NAV3: variants seen among roughly 807,000 people sequenced by gnomAD.
NAV3 encodes neuron navigator 3, also known as pore membrane and/or filament interacting like protein 1.
NAV3 carries 87 observed loss-of-function variants against 244.7 expected under a neutral mutation model. The ratio of observed to expected loss-of-function variants is 0.36; its 90% CI spans 0.30 to 0.42. The LOEUF is 0.42. NAV3 is among the 20% of genes least tolerant of loss of function. The pLI is 1.00. For missense variants in NAV3, 2,663 were observed against 2,893.3 expected (o/e 0.92, Z 1.83); for synonymous variants, 1,126 against 1,042.2 (o/e 1.08, Z -1.55).
chr12:77,922,068 G>A (rs1004200312), intron 1 of NAV3, among the ~76,000 whole-genome samples: 3 of 152,150 alleles, frequency 2.0e-5, no homozygotes, highest in Non-Finnish European at 4.4e-5. Context: ...GAATCTTTGT[G>A]TCAATGAACT....
intron 2 of NAV3, among the ~76,000 whole-genome samples, chr12:77,653,761 C>T (rs1872935970): frequency 6.6e-6 from 1 of 152,034 alleles, no homozygotes; most frequent in Admixed American, 6.6e-5. Flanking sequence ...TATATTTATA[C>T]ATCAATGGAA....
At chr12:77,689,756 T>C (rs1874920332) in intron 2 of NAV3, among the ~76,000 whole-genome samples, 1 of 151,880 alleles carries the variant, frequency 6.6e-6, no homozygotes. Context: ...TTAGGTATTT[T>C]TATTTAAGGC....
Position 77,868,220 on chromosome 12 carries a change from A to AAACAACAAC in NAV3, c.243+36531_243+36539dup, listed in dbSNP as rs3078775. On this transcript the variant is annotated intron_variant, in intron 1 of 39. Coordinates refer to ENST00000397909, the MANE Select transcript of NAV3 (RefSeq NM_001024383.2). The stretch of plus-strand genomic sequence containing the variant: ...CTGTATATAAAAATGGGCCCTCCTA[A>AAACAACAAC]AACAACAACAACAACAACAACAAAA... Among the ~76,000 whole-genome samples the AAACAACAAC allele has an allele frequency of 7.3e-5, 11 of 151,398 alleles. No homozygotes were observed. The South Asian group carries it at 1.5e-3, about 20-fold the overall frequency.
chr12:77,706,870 CAAAAAAA>C (rs34067727), intron 2 of NAV3, among the ~76,000 whole-genome samples: 3 of 68,036 alleles, frequency 4.4e-5, no homozygotes, highest in Non-Finnish European at 7.3e-5. Flanking sequence ...GACTCTGTTT[CAAAAAAA>C]AAAAAAAAAA....
intron 12 of NAV3, among the ~76,000 whole-genome samples, chr12:78,083,350 G>T (rs376280819): frequency 6.6e-6 from 1 of 152,092 alleles, no homozygotes; most frequent in Admixed American, 6.5e-5. Context: ...CTGCATTGGG[G>T]GTTAAATTTT....
intron 9 of NAV3, among the ~76,000 whole-genome samples, chr12:78,043,541 C>G (rs1026430259): frequency 3.3e-5 from 5 of 152,120 alleles, no homozygotes; most frequent in Admixed American, 2.6e-4. Context: ...AATATATACT[C>G]CCACCGACAG....
intron 2 of NAV3, among the ~76,000 whole-genome samples, chr12:77,786,681 G>A (rs755145407): frequency 1.3e-5 from 2 of 152,108 alleles, no homozygotes; most frequent in African/African-American, 2.4e-5. Context: ...TGAGAGTGAC[G>A]GAAGGATTAT....
At chr12:77,591,168 ATT>A (rs1869886913) in intron 2 of NAV3, among the ~76,000 whole-genome samples, 1 of 152,224 alleles carries the variant, frequency 6.6e-6, no homozygotes, top group Non-Finnish European at 1.5e-5. Flanking sequence ...GCTCATTAAA[ATT>A]TGTCTTCTTA....
intron 20 of NAV3, among the ~76,000 whole-genome samples, chr12:78,142,490 A>G (rs1223046029): frequency 6.6e-6 from 1 of 151,866 alleles, no homozygotes; most frequent in Non-Finnish European, 1.5e-5. Flanking sequence ...AAATAGCCAC[A>G]TGTGCCTAGC....
intron 2 of NAV3, among the ~76,000 whole-genome samples, chr12:77,642,979 C>T (rs1872479197): frequency 1.3e-5 from 2 of 151,878 alleles, no homozygotes; most frequent in South Asian, 4.2e-4. Context: ...TGTAATTTTT[C>T]CTATTATCTT....
At chr12:78,011,329 T>A (rs1006720740) in intron 8 of NAV3, among the ~76,000 whole-genome samples, 1 of 152,164 alleles carries the variant, frequency 6.6e-6, no homozygotes, top group South Asian at 2.1e-4. Flanking sequence ...ATACAAAGAT[T>A]TTTTAAAAAA....
At chr12:77,826,654 A>T (rs1441163120), upstream of NAV3, among the ~76,000 whole-genome samples, 1 of 152,202 alleles carries the variant, frequency 6.6e-6, no homozygotes, top group African/African-American at 2.4e-5. Flanking sequence ...GATAAATCTC[A>T]AAAGCATTAT....
chr12:77,623,164 G>A (rs563743007), intron 2 of NAV3, among the ~76,000 whole-genome samples: 4 of 152,116 alleles, frequency 2.6e-5, no homozygotes, highest in African/African-American at 9.6e-5. Flanking sequence ...GCATGAATAT[G>A]TCCTTTGCAA....
At chr12:78,009,445 CAAAAAAAAA>C (rs35722033) in intron 8 of NAV3, among the ~76,000 whole-genome samples, 38 of 69,910 alleles carry the variant, frequency 5.4e-4, no homozygotes, top group Admixed American at 1.8e-3. Flanking sequence ...GAGGGAAACT[CAAAAAAAAA>C]AAAAAAAAAA....
In NAV3 at chr12:77,895,387, A is replaced by G. The variant is rs79419323; in HGVS notation, c.244-44932A>G. On this transcript the variant is annotated intron_variant, in intron 1 of 39. Transcript: ENST00000397909. Reference sequence around the variant, plus strand: ...TGGAGAATAGCAGATTGTGGGTGATATAATTTGTAAAACTTGCTGGCCAGC... The same window carrying G: ...TGGAGAATAGCAGATTGTGGGTGATGTAATTTGTAAAACTTGCTGGCCAGC... Among the ~76,000 whole-genome samples, 1,248 of 151,736 alleles carry G rather than the reference A, an allele frequency of 8.2e-3. 16 individuals carry two copies. The highest frequency in any genetic ancestry group is 0.031 in the Middle Eastern group (9 of 294).
chr12:77,968,427 A>C, intron 4 of NAV3, 92 bp from the exon 5 acceptor site: 1 of 1,009,652 alleles, frequency 9.9e-7, no homozygotes, highest in Non-Finnish European at 1.5e-6. Flanking sequence ...CTCTGTCTTC[A>C]TAGATTTATT....
At chr12:78,035,512 T>C (rs371772547) in intron 9 of NAV3, among the ~76,000 whole-genome samples, 43 of 152,336 alleles carry the variant, frequency 2.8e-4, no homozygotes, top group African/African-American at 9.1e-4. Context: ...TTAGGTTTTC[T>C]GTTTTTATGA....
intron 2 of NAV3, among the ~76,000 whole-genome samples, chr12:77,795,705 G>T (rs973863883): frequency 6.6e-6 from 1 of 152,118 alleles, no homozygotes. Flanking sequence ...TGACTCTAAC[G>T]TTAAGGGCTG....
At chr12:78,160,082 A>G (rs777376669) in intron 23 of NAV3, among the ~76,000 whole-genome samples, 48 of 152,186 alleles carry the variant, frequency 3.2e-4, no homozygotes, top group Non-Finnish European at 6.2e-4. Context: ...TAATTTTGAA[A>G]TAACAAGAAC....
Sources: gnomAD v4.1 joint callset for allele counts (sites outside exome capture counted in the v4.1 genomes callset) on GRCh38, gnomAD v4.1.1 for gene constraint, MANE v1.5 for transcripts, NCBI Gene and HGNC (gene_info 2026-07-23, HGNC 2026-07-21) for gene names.